The following VSIR variants were observed in gnomAD, a reference collection of about 807,000 sequenced individuals.
The protein encoded by VSIR is V-type immunoglobulin domain-containing suppressor of T-cell activation.
VSIR carries 10 observed loss-of-function variants against 31.0 expected under a neutral mutation model. That is an observed-to-expected ratio of 0.32 (90% CI 0.20 to 0.55). VSIR has a LOEUF of 0.55. VSIR is among the 20% of genes least tolerant of loss of function. VSIR has a pLI of 0.93. For missense variants in VSIR, 356 were observed against 416.2 expected, an observed-to-expected ratio of 0.86 and a Z score of 1.26; for synonymous variants, 179 against 180.1, an observed-to-expected ratio of 0.99 and a Z score of 0.05.
intron 3 of VSIR, among the ~76,000 whole-genome samples, chr10:71,759,060 A>ATCAGCAGGC (rs1840222877): frequency 6.7e-6 from 1 of 148,266 alleles, no homozygotes; most frequent in African/African-American, 2.5e-5. Flanking sequence ...TTTTTTTGAG[A>ATCAGCAGGC]TGGAGTCTTG....
chr10:71,773,500 G>T lies in VSIR; in HGVS notation c.-61C>A. ...GGGGAGCGGGCGGGACGCGGCCGGCGCGGGGAAGCCTCCCGCGACTGAGTG... is the reference window on the plus strand; with the variant it reads ...GGGGAGCGGGCGGGACGCGGCCGGCTCGGGGAAGCCTCCCGCGACTGAGTG... On this transcript the variant is annotated 5_prime_UTR_variant, in exon 1 of 7. Coordinates refer to ENST00000394957, the MANE Select transcript of VSIR (RefSeq NM_022153.2). 1.3e-6 allele frequency: 2 copies of T among 1,504,096 alleles called. No homozygotes were observed. The allele number at this position is 1,504,096 out of a possible 1,614,324, so 93.2% of individuals were successfully genotyped here.
intron 3 of VSIR, chr10:71,760,562 C>T (rs972392561): frequency 3.1e-5 from 9 of 291,068 alleles, no homozygotes; most frequent in Non-Finnish European, 5.9e-5. Flanking sequence ...CAGGGCGGCA[C>T]TTAGCTGCCT....
In VSIR at chr10:71,752,001, G is replaced by A. The variant is rs908095514; in HGVS notation, c.705-140C>T. 5.1e-6 allele frequency: 5 copies of A among 979,008 alleles called. No individual in the cohort carries two copies. In the Admixed American group the frequency reaches 1.0e-4, roughly 20 times the overall value. 60.6% of individuals were successfully genotyped at this position (979,008 alleles called of 1,614,324 possible). On this transcript the variant is annotated intron_variant, in intron 5 of 6. Transcript: ENST00000394957. ...CCTCAGCAGCATCTCCAAGCAAGAA[G>A]GCAGGAGCCAGGCCCACAGAGCAAA...
At chr10:71,770,206 A>G (rs981494336) in intron 1 of VSIR, among the ~76,000 whole-genome samples, 3 of 152,226 alleles carry the variant, frequency 2.0e-5, no homozygotes, top group Non-Finnish European at 4.4e-5. Context: ...GAAATACCAT[A>G]ATATTACACA....
intron 3 of VSIR, among the ~76,000 whole-genome samples, chr10:71,759,852 C>A (rs201558798): frequency 1.3e-5 from 1 of 76,908 alleles, no homozygotes; most frequent in Non-Finnish European, 2.6e-5. Context: ...CACACATATA[C>A]ACACACACAC....
Position 71,752,996 on chromosome 10 carries a change from T to A in VSIR, c.683A>T (p.Gln228Leu), listed in dbSNP as rs1320014660. Residue 228 changes from glutamine to leucine, a missense_variant, in exon 5 of 7, where the codon CAG becomes CTG. Physicochemically the swap from Gln to Leu is moderately radical, Grantham distance 113. Coordinates refer to ENST00000394957, the MANE Select transcript of VSIR (RefSeq NM_022153.2). ...TTACCTGTCCATCCGCACCAGCTCC[T>A]GGGCACCTAGGGACAGACAGACAGA... ...QRQAASNRRA[Q>L]ELVRMDSNIQ... The A allele has an allele frequency of 6.2e-7, 1 of 1,612,982 alleles. No individual in the cohort carries two copies. Among genetic ancestry groups the A allele is most frequent in the Non-Finnish European group, 8.5e-7 (1 of 1,179,466 alleles).
rs1839982972 is a variant in VSIR at position 71,750,952 on chromosome 10, G to A, written c.*301C>T. 1.1e-5 allele frequency: 4 copies of A among 355,698 alleles called. No individual in the cohort carries two copies. Among genetic ancestry groups the A allele is most frequent in the Admixed American group, 4.6e-5 (1 of 21,808 alleles). The allele number at this position is 355,698 out of a possible 1,614,324, so 22.0% of individuals were successfully genotyped here. A position where few individuals can be genotyped will look rare whatever the true frequency, so the allele number is the denominator to read the frequency against. On this transcript the variant is annotated 3_prime_UTR_variant, in exon 7 of 7. Coordinates refer to ENST00000394957, the MANE Select transcript of VSIR (RefSeq NM_022153.2). ...TCAGAACGAGAGCTGCTGAAGGGCT[G>A]GACGTTCTGAGACTTCTTAAGATGT...
chr10:71,763,182 A>G (rs1042403633), intron 1 of VSIR, among the ~76,000 whole-genome samples: 6 of 152,224 alleles, frequency 3.9e-5, no homozygotes, highest in South Asian at 2.1e-4. Context: ...TTATTTATTT[A>G]TTTGTTTTTG....
At chr10:71,764,471 C>T (rs1040171097) in intron 1 of VSIR, among the ~76,000 whole-genome samples, 16 of 152,164 alleles carry the variant, frequency 1.1e-4, no homozygotes, top group South Asian at 2.1e-4. Flanking sequence ...TTCATTGGAT[C>T]CTCAAAATCT....
intron 1 of VSIR, among the ~76,000 whole-genome samples, chr10:71,763,505 C>T (rs369372417): frequency 6.6e-6 from 1 of 152,180 alleles, no homozygotes; most frequent in South Asian, 2.1e-4. Flanking sequence ...GGACCCTCGG[C>T]GGCAGGCTGG....
chr10:71,760,201 ATATATGTG>A (rs1391260958), intron 3 of VSIR, among the ~76,000 whole-genome samples: 2 of 57,402 alleles, frequency 3.5e-5, no homozygotes, highest in African/African-American at 1.9e-4. Context: ...GTATATACAT[ATATATGTG>A]TGTATATATG....
intron 1 of VSIR, among the ~76,000 whole-genome samples, chr10:71,762,320 GT>G (rs1840416152): frequency 6.6e-6 from 1 of 152,236 alleles, no homozygotes; most frequent in African/African-American, 2.4e-5. Flanking sequence ...TCCCAGTAGA[GT>G]ATATGCAAAA....
At chr10:71,758,548 C>A (rs2132878203) in intron 3 of VSIR, among the ~76,000 whole-genome samples, 1 of 152,334 alleles carries the variant, frequency 6.6e-6, no homozygotes, top group Non-Finnish European at 1.5e-5. Flanking sequence ...GGGGGGCTAA[C>A]TGCTACCCAC....
rs1013226200 is a variant in VSIR, at chr10:71,749,829, T to C, written c.*1424A>G. 2 of 147,538 alleles carry C rather than the reference T, an allele frequency of 1.4e-5. No individual in the cohort carries two copies. Among genetic ancestry groups the C allele is most frequent in the African/African-American group, 2.6e-5 (1 of 39,156 alleles). The allele number at this position is 147,538 out of a possible 1,614,324, so 9.1% of individuals were successfully genotyped here. A position where few individuals can be genotyped will look rare whatever the true frequency, so the allele number is the denominator to read the frequency against. On this transcript the variant is annotated 3_prime_UTR_variant, in exon 7 of 7. Transcript: ENST00000394957. ...TCCATCCCCCCAACCCCCCAAGCAATTGGGCGAACATCTTCCCGCCTAGCC... is the reference window on the plus strand; with the variant it reads ...TCCATCCCCCCAACCCCCCAAGCAACTGGGCGAACATCTTCCCGCCTAGCC...
chr10:71,764,202 G>A (rs1349263160), intron 1 of VSIR, among the ~76,000 whole-genome samples: 5 of 152,202 alleles, frequency 3.3e-5, no homozygotes, highest in South Asian at 2.1e-4. Context: ...AGGCAGAACC[G>A]TAATAAGAAG....
rs1840262908 is a variant in VSIR at position 71,759,856 on chromosome 10, C to CACACATATAT, written c.568+1011_568+1012insATATATGTGT. On this transcript the variant is annotated intron_variant, in intron 3 of 6. Coordinates refer to ENST00000394957, the MANE Select transcript of VSIR (RefSeq NM_022153.2). ...ACACACACACACACACATATACACA[C>CACACATATAT]ACACACACATATATATACACACACA... is the stretch of plus-strand genomic sequence containing the variant. Among the ~76,000 whole-genome samples, 40 of 111,772 alleles carry CACACATATAT rather than the reference C, an allele frequency of 3.6e-4. 6 individuals are homozygous for CACACATATAT. The highest frequency in any genetic ancestry group is 5.6e-4 in the Non-Finnish European group (28 of 49,694). 73.3% of individuals were successfully genotyped at this position (111,772 alleles called of 152,430 possible). A position where few individuals can be genotyped will look rare whatever the true frequency, so the allele number is the denominator to read the frequency against.
chr10:71,753,025 G>T (rs1021610589), intron 4 of VSIR, 23 bp from the exon 5 acceptor site: 2 of 1,610,950 alleles, frequency 1.2e-6, no homozygotes, highest in African/African-American at 2.7e-5. Context: ...AGACAGAGAA[G>T]CTGGTCATGG....
chr10:71,762,063 TC>T (rs1200918223), intron 1 of VSIR, 37 bp from the exon 2 acceptor site: 1 of 1,554,092 alleles, frequency 6.4e-7, no homozygotes, highest in Admixed American at 1.8e-5. Flanking sequence ...ACCTGACTGA[TC>T]CAGTGCTACT....
chr10:71,753,235 T>C (rs575297121), intron 4 of VSIR, among the ~76,000 whole-genome samples: 18 of 152,338 alleles, frequency 1.2e-4, no homozygotes, highest in African/African-American at 4.3e-4. Context: ...TAAATGAAAC[T>C]CTATCTGCAT....
Sources: gnomAD v4.1 joint callset for allele counts (sites outside exome capture counted in the v4.1 genomes callset) on GRCh38, gnomAD v4.1.1 for gene constraint, MANE v1.5 for transcripts, NCBI Gene and HGNC (gene_info 2026-07-23, HGNC 2026-07-21) for gene names.